Variants in ARFIP2 observed in about 807,000 individuals in gnomAD.
ARFIP2 encodes ARF interacting protein 2, also known as arfaptin-2.
A neutral mutation model predicts 39.2 loss-of-function variants in ARFIP2; 14 were observed. The ratio of observed to expected loss-of-function variants is 0.36; its 90% CI spans 0.24 to 0.56. The LOEUF (loss-of-function observed/expected upper bound fraction) is 0.56, where lower values mean the gene tolerates loss of function less well. ARFIP2 is among the 20% of genes least tolerant of loss of function. The pLI, the probability that ARFIP2 is intolerant of heterozygous loss-of-function variation, is 0.85. For missense variants in ARFIP2, 305 were observed against 422.5 expected (o/e 0.72, Z 2.44); for synonymous variants, 167 against 172.4 (o/e 0.97, Z 0.24).
At position 6,476,968 on chromosome 11, in the gene ARFIP2, G is replaced by A. The variant is rs1851138148; in HGVS notation, c.*145C>T. 2 of 965,316 alleles carry A rather than the reference G, an allele frequency of 2.1e-6. No individual in the cohort carries two copies. The highest frequency in any genetic ancestry group is 2.7e-5 in the East Asian group (1 of 37,290). The allele number at this position is 965,316 out of a possible 1,614,324, so 59.8% of individuals were successfully genotyped here. On this transcript the variant is annotated 3_prime_UTR_variant, in exon 8 of 8. Coordinates refer to ENST00000396777, the MANE Select transcript of ARFIP2 (RefSeq NM_001376558.2). ...GCCCTCTTCCCACCATAGCAATGTG[G>A]GCAAAACTGGTGTCAGGCCCCAGCC...
chr11:6,480,350 C>T lies in ARFIP2; in HGVS notation c.72G>A (p.Gln24=), dbSNP rs773097822. Residue 24 remains glutamine (Q), a synonymous_variant, in exon 2 of 8, where the codon CAG becomes CAA. Transcript: ENST00000396777. ...IPIHGNGEAR[Q]LPEDDGLEQD... is the part of the protein sequence containing the mutation. ...GCTCCAGCCCATCATCTTCAGGAAG[C>T]TGCCTGGCTTCGCCGTTCCCGTGGA... 1 of 1,613,624 alleles carries T rather than the reference C, an allele frequency of 6.2e-7. No homozygotes were observed. The highest frequency in any genetic ancestry group is 1.1e-5 in the South Asian group (1 of 90,906).
In ARFIP2 at chr11:6,478,955, G is replaced by T; in HGVS notation, c.320C>A (p.Thr107Lys). The T allele has an allele frequency of 6.2e-7, 1 of 1,613,880 alleles. No individual in the cohort carries two copies. The highest frequency in any genetic ancestry group is 8.5e-7 in the Non-Finnish European group (1 of 1,179,810). The change falls in exon 5 of 8, where the codon ACA becomes AAA. Residue 107 changes from threonine (T) to lysine (K), a missense_variant. Coordinates refer to ENST00000396777, the MANE Select transcript of ARFIP2 (RefSeq NM_001376558.2). The surrounding 1 kb of genome is among the most constrained non-coding windows in gnomAD (Gnocchi z 4.8). The stretch of plus-strand genomic sequence containing the variant: ...AAATCGTTCTGATAACAGTTGCTTT[G>T]TGCACTGATTGGGAAATGGGGGAAT... ...KKWGINTYKC[T>K]KQLLSERFGR...
chr11:6,481,098 G>A, intron 1 of ARFIP2, 133 bp downstream of exon 1: 1 of 301,806 alleles, frequency 3.3e-6, no homozygotes, highest in Non-Finnish European at 6.3e-6. Context: ...TCCCAGGTGT[G>A]TGAGTCCCCG....
Position 6,480,481 on chromosome 11 carries a change from G to A in ARFIP2, c.-42-18C>T. ...CCAGCACCCTGCAAAGCCCAACACA[G>A]AAGTTCTGGACACTGGCCAGCACTC... On this transcript the variant is annotated intron_variant, in intron 1 of 7. Transcript: ENST00000396777. 7.4e-7 allele frequency: 1 copy of A among 1,352,796 alleles called. No homozygotes were observed. 83.8% of individuals were successfully genotyped at this position (1,352,796 alleles called of 1,614,324 possible). A position where few individuals can be genotyped will look rare whatever the true frequency, so the allele number is the denominator to read the frequency against.
Position 6,478,836 on chromosome 11 carries a change from C to T in ARFIP2, c.439G>A (p.Gly147Ser). Residue 147 changes from glycine to serine, a missense_variant, in exon 5 of 8, where the codon GGC becomes AGC. Physicochemically the swap from Gly to Ser is moderately conservative, Grantham distance 56 (BLOSUM62 0). Around this residue, in one of 3 missense-constraint regions of ARFIP2, gnomAD observed 151 missense variants for 203.1 expected, o/e 0.74. Coordinates refer to ENST00000396777, the MANE Select transcript of ARFIP2 (RefSeq NM_001376558.2). This position sits in a 1 kb window ranked among gnomAD's most constrained non-coding sequence, Gnocchi z 4.8. The part of the protein sequence containing the change: ...KRKYESVLQL[G>S]RALTAHLYSL... ...TAGAGGTGGGCTGTCAGTGCCCGGC[C>T]CAGCTGCAGGACACTCTCATACTTG... The T allele has an allele frequency of 6.2e-7, 1 of 1,614,166 alleles. No homozygotes were observed. Among genetic ancestry groups the T allele is most frequent in the Non-Finnish European group, 8.5e-7 (1 of 1,180,022 alleles).
chr11:6,479,517 G>C (rs769161889), intron 3 of ARFIP2: 1 of 623,626 alleles, frequency 1.6e-6, no homozygotes, highest in East Asian at 2.7e-5. Flanking sequence ...GGAAACAGAA[G>C]AAAATACACT....
intron 2 of ARFIP2, 26 bp downstream of exon 2, chr11:6,480,297 C>T: frequency 1.2e-6 from 2 of 1,603,430 alleles, no homozygotes; most frequent in Non-Finnish European, 1.7e-6. Flanking sequence ...TAAATTGAAA[C>T]AATTAGAAGA....
rs747535193 is a variant in ARFIP2, at chr11:6,477,683, A to G, written c.870+35T>C. Reference sequence around the variant, plus strand: ...GGGGAAGGTTAGTGTTACAGATGGAAAGGTGGGCTAGGGTCAAGGGGGTGG... The same window carrying G: ...GGGGAAGGTTAGTGTTACAGATGGAGAGGTGGGCTAGGGTCAAGGGGGTGG... On this transcript the variant is annotated intron_variant, in intron 7 of 7. Transcript: ENST00000396777. The surrounding 1 kb of genome is among the most constrained non-coding windows in gnomAD (Gnocchi z 4.8). 3.1e-6 allele frequency: 5 copies of G among 1,604,764 alleles called. No homozygotes were observed. The Admixed American group carries it at 8.4e-5, about 27-fold the overall frequency.
chr11:6,477,770 T>C lies in ARFIP2; in HGVS notation c.818A>G (p.Glu273Gly). 6.2e-7 allele frequency: 1 copy of C among 1,613,972 alleles called. No individual in the cohort carries two copies. Among genetic ancestry groups the C allele is most frequent in the Non-Finnish European group, 8.5e-7 (1 of 1,179,946 alleles). Residue 273 changes from glutamate to glycine, a missense_variant, in exon 7 of 8, where the codon GAG becomes GGG. This residue lies in a region of ARFIP2 where 112 missense variants were observed against 118.2 expected (regional missense o/e 0.95). Transcript: ENST00000396777. This position sits in a 1 kb window ranked among gnomAD's most constrained non-coding sequence, Gnocchi z 4.8. Reference sequence around the variant, plus strand: ...GATGGCCACATCTCCCCGCAGCTTCTCATACTTGTCCCGATGGGCCTGGAA... The same window carrying C: ...GATGGCCACATCTCCCCGCAGCTTCCCATACTTGTCCCGATGGGCCTGGAA... ...ATFQAHRDKYEKLRGDVAIKL... is the reference protein window; with the variant it reads ...ATFQAHRDKYGKLRGDVAIKL...
chr11:6,478,337 C>T lies in ARFIP2; in HGVS notation c.538-139G>A. 1 of 1,171,476 alleles carries T rather than the reference C, an allele frequency of 8.5e-7. No individual in the cohort carries two copies. Among genetic ancestry groups the T allele is most frequent in the East Asian group, 2.4e-5 (1 of 41,696 alleles). The allele number at this position is 1,171,476 out of a possible 1,614,324, so 72.6% of individuals were successfully genotyped here. ...ACCAAGGACTGCCTCCAGCAAGGCT[C>T]TCTTAGCCGGAAAGTTAGTGGGATC... On this transcript the variant is annotated intron_variant, in intron 5 of 7. Coordinates refer to ENST00000396777, the MANE Select transcript of ARFIP2 (RefSeq NM_001376558.2). This position sits in a 1 kb window ranked among gnomAD's most constrained non-coding sequence, Gnocchi z 4.8.
intron 1 of ARFIP2, 98 bp from the exon 2 acceptor site, chr11:6,480,561 T>G (rs1468402588): frequency 7.9e-6 from 5 of 636,872 alleles, no homozygotes; most frequent in Non-Finnish European, 1.3e-5. Flanking sequence ...AGGGTTTGAG[T>G]GTCCCAGCGT....
rs1459526049 is a variant in ARFIP2 at position 6,477,748 on chromosome 11, G to A, written c.840C>T (p.Ala280=). 6.2e-7 allele frequency: 1 copy of A among 1,613,774 alleles called. No homozygotes were observed. The highest frequency in any genetic ancestry group is 1.3e-5 in the African/African-American group (1 of 74,856). The change falls in exon 7 of 8, where the codon GCC becomes GCT. Residue 280 remains alanine (A), a synonymous_variant. Transcript: ENST00000396777. This position sits in a 1 kb window ranked among gnomAD's most constrained non-coding sequence, Gnocchi z 4.8. The part of the protein sequence containing the change: ...DKYEKLRGDV[A]IKLKFLEENK... ...TTTCTTCCAGGAACTTGAGCTTGAT[G>A]GCCACATCTCCCCGCAGCTTCTCAT...
rs146227252 is a variant in ARFIP2, at chr11:6,478,459, G to A, written c.538-261C>T. On this transcript the variant is annotated intron_variant, in intron 5 of 7. Transcript: ENST00000396777. This position sits in a 1 kb window ranked among gnomAD's most constrained non-coding sequence, Gnocchi z 4.8. ...CTGAGAGCTAGTGTGGCAAGCAGGG[G>A]AGGGGCTCTGATTAGGCTGAGCACG... 9.2e-7 allele frequency: 1 copy of A among 1,083,936 alleles called. No individual in the cohort carries two copies. Among genetic ancestry groups the A allele is most frequent in the East Asian group, 2.6e-5 (1 of 38,280 alleles). The allele number at this position is 1,083,936 out of a possible 1,614,324, so 67.1% of individuals were successfully genotyped here. A position where few individuals can be genotyped will look rare whatever the true frequency, so the allele number is the denominator to read the frequency against.
intron 3 of ARFIP2, 54 bp from the exon 4 acceptor site, chr11:6,479,312 T>G (rs773047944): frequency 1.2e-6 from 2 of 1,613,032 alleles, no homozygotes; most frequent in Admixed American, 3.3e-5. Context: ...CAGACACCTC[T>G]GTGGCCCCAC....
chr11:6,479,949 T>C, intron 3 of ARFIP2, 23 bp downstream of exon 3: 1 of 1,609,416 alleles, frequency 6.2e-7, no homozygotes, highest in Non-Finnish European at 8.5e-7. Flanking sequence ...CCACCCAAGA[T>C]TCCTGTTTCT....
chr11:6,481,058 A>C, intron 1 of ARFIP2, 173 bp downstream of exon 1: 1 of 229,662 alleles, frequency 4.4e-6, no homozygotes, highest in Admixed American at 5.3e-5. Context: ...CTCCCAGGAT[A>C]TCGGTGACCC....
rs754935012 is a variant in ARFIP2, at chr11:6,479,249, C to A, written c.206G>T (p.Arg69Leu). 1 of 1,614,092 alleles carries A rather than the reference C, an allele frequency of 6.2e-7. No individual in the cohort carries two copies. The highest frequency in any genetic ancestry group is 2.2e-5 in the East Asian group (1 of 44,880). Residue 69 changes from arginine (R) to leucine (L), a missense_variant, in exon 4 of 8, where the codon CGC becomes CTC. Physicochemically the swap from Arg to Leu is moderately radical, Grantham distance 102. Around this residue, in one of 3 missense-constraint regions of ARFIP2, gnomAD observed 151 missense variants for 203.1 expected, o/e 0.74. Transcript: ENST00000396777. ...AGGAGTGGTGCTGTGAGATGGATGG[C>A]GGCCAGACCCTAAAGGATCAAGTTC... ...GDGLIPTGSG[R>L]HPSHSTTPSG... is the part of the protein sequence containing the mutation.
At chr11:6,479,411 G>C in intron 3 of ARFIP2, 153 bp from the exon 4 acceptor site, 1 of 1,520,936 alleles carries the variant, frequency 6.6e-7, no homozygotes, top group Non-Finnish European at 8.9e-7. Context: ...GAGGAACTCG[G>C]ACTTTGCGCG....
Position 6,477,975 on chromosome 11 carries a change from CT to C in ARFIP2, c.695+65del. On this transcript the variant is annotated intron_variant, in intron 6 of 7. Transcript: ENST00000396777. This position sits in a 1 kb window ranked among gnomAD's most constrained non-coding sequence, Gnocchi z 4.8. ...CTTTCCTTCCTGAATTCTTATGCCC[CT>C]AATGCCCAAATTTCCACCCATACCA... is the stretch of plus-strand genomic sequence containing the variant. 1 of 1,605,560 alleles carries C rather than the reference CT, an allele frequency of 6.2e-7. No individual in the cohort carries two copies. Among genetic ancestry groups the C allele is most frequent in the Non-Finnish European group, 8.5e-7 (1 of 1,173,972 alleles).
Sources: allele counts gnomAD v4.1 joint callset, GRCh38; gene constraint gnomAD v4.1.1; regional missense constraint gnomAD v4.1.1; non-coding constraint Gnocchi (gnomAD v3.1); transcripts MANE v1.5; gene names NCBI Gene and HGNC (gene_info 2026-07-23, HGNC 2026-07-21).